The following RTL4 variants were observed in gnomAD, a reference collection of about 807,000 sequenced individuals.
The protein encoded by RTL4 is retrotransposon Gag like 4, also known as retrotransposon Gag-like protein 4.
Under a neutral mutation model 5.3 loss-of-function variants are expected in RTL4, and 4 were observed. The ratio of observed to expected loss-of-function variants is 0.75; its 90% CI spans 0.37 to 1.72. RTL4 has a LOEUF of 1.72. Ranked by LOEUF, RTL4 falls within the 40% of genes most tolerant of loss-of-function variation. The pLI, the probability that RTL4 is intolerant of heterozygous loss-of-function variation, is 0.04. For synonymous variants in RTL4, 98 were observed against 87.3 expected (o/e 1.12, Z -0.68); for missense variants, 260 against 227.1 (o/e 1.14, Z -0.93).
At chrX:112,454,708 C>T (rs1468845541) in exon 1 of RTL4, 2 of 1,160,372 alleles carry the variant, frequency 1.7e-6, no homozygotes, top group Admixed American at 5.0e-5. Flanking sequence ...TACTCAATCC[C>T]ACCTGATTCC....
the RTL4 span, among the ~76,000 whole-genome samples, chrX:112,386,954 T>G: frequency 8.9e-6 from 1 of 112,037 alleles, no homozygotes. Flanking sequence ...GTGGTTGTAC[T>G]AGTTTACATT....
chrX:112,351,982 G>A, the RTL4 span, among the ~76,000 whole-genome samples: 2 of 111,536 alleles, frequency 1.8e-5, no homozygotes, highest in African/African-American at 6.5e-5. Context: ...TTACAATTTG[G>A]CATGTTTTTG....
chrX:112,330,764 A>T, the RTL4 span, among the ~76,000 whole-genome samples: 203 of 111,634 alleles, frequency 1.8e-3, no homozygotes, highest in African/African-American at 6.3e-3. Context: ...CTATACTACA[A>T]GGCTACAGTA....
the RTL4 span, among the ~76,000 whole-genome samples, chrX:112,394,730 TAAG>T: frequency 4.5e-5 from 5 of 112,175 alleles, no homozygotes; most frequent in Non-Finnish European, 7.5e-5. Context: ...CGCACTTTTA[TAAG>T]AAGTGAAGAT....
At chrX:112,455,212 G>A in exon 1 of RTL4, 1 of 1,210,815 alleles carries the variant, frequency 8.3e-7, no homozygotes, top group Non-Finnish European at 1.1e-6. Flanking sequence ...CTCTCAGCAG[G>A]ACCCTGCTAC....
the RTL4 span, among the ~76,000 whole-genome samples, chrX:112,351,212 T>C: frequency 1.8e-5 from 2 of 110,574 alleles, no homozygotes; most frequent in African/African-American, 6.6e-5. Context: ...TCTAGTTTGA[T>C]TGCACTGTGG....
At chrX:112,143,512 A>G in the RTL4 span, among the ~76,000 whole-genome samples, 2 of 111,928 alleles carry the variant, frequency 1.8e-5, no homozygotes, top group Non-Finnish European at 3.8e-5. Flanking sequence ...ATTAGGATAC[A>G]GTCATTAGAA....
the RTL4 span, among the ~76,000 whole-genome samples, chrX:112,378,622 A>T: frequency 8.9e-5 from 10 of 112,015 alleles, no homozygotes; most frequent in East Asian, 2.0e-3. Flanking sequence ...TCTGACATTT[A>T]AAAGGCACTA....
the RTL4 span, among the ~76,000 whole-genome samples, chrX:112,431,036 G>A: frequency 8.9e-6 from 1 of 111,947 alleles, no homozygotes. Flanking sequence ...TTAGGTATCA[G>A]CCCTTTAATA....
At chrX:112,252,675 T>C in the RTL4 span, among the ~76,000 whole-genome samples, 5 of 111,595 alleles carry the variant, frequency 4.5e-5, no homozygotes, top group Admixed American at 4.8e-4. Context: ...CTTGGCCCCA[T>C]GCATGACCCC....
the RTL4 span, among the ~76,000 whole-genome samples, chrX:112,158,319 T>C: frequency 1.6e-4 from 18 of 111,516 alleles, no homozygotes; most frequent in Admixed American, 7.6e-4. Context: ...TAGTTTTTAC[T>C]GTGTAAAATG....
chrX:112,228,200 T>A, the RTL4 span, among the ~76,000 whole-genome samples: 20,555 of 108,892 alleles, frequency 0.19, 1,803 homozygotes, highest in Admixed American at 0.34. Flanking sequence ...AGGATTTCAA[T>A]AATAAAAAAA....
chrX:112,212,896 G>A, the RTL4 span, among the ~76,000 whole-genome samples: 18 of 112,517 alleles, frequency 1.6e-4, no homozygotes, highest in African/African-American at 2.6e-4. Context: ...ATATAAATGA[G>A]TAAGTTAGCT....
the RTL4 span, among the ~76,000 whole-genome samples, chrX:112,114,608 C>T: frequency 2.5e-3 from 280 of 111,240 alleles, 3 homozygotes; most frequent in African/African-American, 8.9e-3. Context: ...GCCAAATTCC[C>T]CTCCCCCTAC....
the RTL4 span, among the ~76,000 whole-genome samples, chrX:112,299,339 A>G: frequency 4.4e-5 from 5 of 112,557 alleles, no homozygotes; most frequent in Non-Finnish European, 9.4e-5. Flanking sequence ...GGAAAGTGCT[A>G]TGTTTACAGC....
the RTL4 span, among the ~76,000 whole-genome samples, chrX:112,173,404 C>A: frequency 3.6e-5 from 4 of 111,218 alleles, no homozygotes; most frequent in African/African-American, 1.3e-4. Context: ...GGGTCCTAAT[C>A]CCAGCTCTGC....
chrX:112,154,041 T>C, the RTL4 span, among the ~76,000 whole-genome samples: 1 of 111,331 alleles, frequency 9.0e-6, no homozygotes, highest in Non-Finnish European at 1.9e-5. Flanking sequence ...TTTCTTTGTG[T>C]TCCTTAGAGT....
chrX:112,215,137 G>A, the RTL4 span, among the ~76,000 whole-genome samples: 4 of 111,062 alleles, frequency 3.6e-5, no homozygotes, highest in Non-Finnish European at 7.5e-5. Flanking sequence ...TATATTATTC[G>A]ATATATAACA....
the RTL4 span, among the ~76,000 whole-genome samples, chrX:112,141,451 A>C: frequency 1.8e-5 from 2 of 111,771 alleles, no homozygotes; most frequent in African/African-American, 6.5e-5. Context: ...CTCTGGCACA[A>C]TGTTTCCTGA....
Sources: gnomAD v4.1 joint callset for allele counts (sites outside exome capture counted in the v4.1 genomes callset) on GRCh38, gnomAD v4.1.1 for gene constraint, MANE v1.5 for transcripts, NCBI Gene and HGNC (gene_info 2026-07-23, HGNC 2026-07-21) for gene names.